Variants in ZPBP observed in about 807,000 individuals in gnomAD.
ZPBP encodes zona pellucida binding protein, also known as zona pellucida-binding protein 1.
ZPBP carries 26 observed loss-of-function variants against 44.8 expected under a neutral mutation model. The observed-to-expected ratio is 0.58, with a 90% CI of 0.43 to 0.81. ZPBP has a LOEUF of 0.81. Ranked by LOEUF, ZPBP falls within the 30% of genes least tolerant of loss-of-function variation. ZPBP has a pLI of 0.00. For synonymous variants in ZPBP, 174 were observed against 153.2 expected (o/e 1.14, Z -1.00); for missense variants, 409 against 434.0 (o/e 0.94, Z 0.51).
At chr7:50,092,394 CT>C (rs920541533) in intron 1 of ZPBP, among the ~76,000 whole-genome samples, 35 of 152,124 alleles carry the variant, frequency 2.3e-4, no homozygotes, top group Non-Finnish European at 3.8e-4. Flanking sequence ...TGGAGGACTT[CT>C]TTTTTTCATT....
chr7:49,935,305 A>G (rs1033041876), downstream of ZPBP, among the ~76,000 whole-genome samples: 1 of 152,206 alleles, frequency 6.6e-6, no homozygotes, highest in Non-Finnish European at 1.5e-5. Flanking sequence ...GATATAACGA[A>G]GAACATTTTA....
At chr7:49,867,053 G>A (rs534834753) in intron 2 of ZPBP, among the ~76,000 whole-genome samples, 10 of 152,136 alleles carry the variant, frequency 6.6e-5, no homozygotes, top group Admixed American at 2.0e-4. Context: ...TAACCATCTC[G>A]TTAGAGAGAC....
At chr7:49,880,026 C>G (rs1364293194) in intron 2 of ZPBP, among the ~76,000 whole-genome samples, 1 of 152,114 alleles carries the variant, frequency 6.6e-6, no homozygotes, top group East Asian at 1.9e-4. Context: ...CCAGAGGGAG[C>G]ATCATTTTCT....
At chr7:50,051,463 G>T (rs6953525) in intron 4 of ZPBP, among the ~76,000 whole-genome samples, 1 of 151,958 alleles carries the variant, frequency 6.6e-6, no homozygotes, top group Non-Finnish European at 1.5e-5. Context: ...AAATCATTCT[G>T]TTACGAGGAT....
At chr7:49,952,830 G>A (rs1241366967) in intron 7 of ZPBP, among the ~76,000 whole-genome samples, 1 of 151,824 alleles carries the variant, frequency 6.6e-6, no homozygotes, top group Non-Finnish European at 1.5e-5. Flanking sequence ...ATCTGCACGT[G>A]TACCCCTGAA....
chr7:49,952,293 T>A lies in ZPBP; in HGVS notation c.962-14671A>T, dbSNP rs143083377. Reference sequence around the variant, plus strand: ...GACCAATATAAATTGGTGTGACACATGTTTATTTGATAATCAAAAGGAGAG... The same window carrying A: ...GACCAATATAAATTGGTGTGACACAAGTTTATTTGATAATCAAAAGGAGAG... On this transcript the variant is annotated intron_variant, in intron 7 of 7. Coordinates refer to ENST00000046087, the MANE Select transcript of ZPBP (RefSeq NM_007009.3). Among the ~76,000 whole-genome samples, 507 of 152,076 alleles carry A rather than the reference T, an allele frequency of 3.3e-3. 1 individual carries two copies. The highest frequency in any genetic ancestry group is 0.011 in the African/African-American group (467 of 41,552).
intron 7 of ZPBP, chr7:49,943,164 G>A (rs2128754100): frequency 3.2e-6 from 1 of 311,286 alleles, no homozygotes; most frequent in South Asian, 3.2e-5. Flanking sequence ...AGTCCAGAAA[G>A]TTAGCTTCTC....
Position 49,904,502 on chromosome 7 carries a change from A to G in ZPBP, n.412-3287T>C, listed in dbSNP as rs945421982. On this transcript the variant is annotated intron_variant and non_coding_transcript_variant, in intron 1 of 2. Coordinates refer to the ZPBP transcript ENST00000465922. ...TGTTTAGAGGGACTTGGTTGAAACA[A>G]TCTCACAACTTGATTGATTTATTAG... 3.9e-5 allele frequency among the ~76,000 whole-genome samples: 6 copies of G among 152,218 alleles called. No homozygotes were observed. The South Asian group carries it at 1.0e-3, about 26-fold the overall frequency.
intron 3 of ZPBP, among the ~76,000 whole-genome samples, chr7:50,078,158 T>C (rs1306152897): frequency 6.6e-6 from 1 of 151,714 alleles, no homozygotes; most frequent in African/African-American, 2.4e-5. Context: ...AAACATTGCA[T>C]GTTCTCACTT....
chr7:49,853,557 G>T (rs747634255), intron 2 of ZPBP, among the ~76,000 whole-genome samples: 5 of 151,830 alleles, frequency 3.3e-5, no homozygotes, highest in Non-Finnish European at 5.9e-5. Flanking sequence ...TATCACGGTA[G>T]ACTATAAACC....
chr7:49,876,501 T>G (rs950946495), intron 2 of ZPBP, among the ~76,000 whole-genome samples: 1 of 152,132 alleles, frequency 6.6e-6, no homozygotes, highest in Non-Finnish European at 1.5e-5. Flanking sequence ...CATCTATAAT[T>G]ATAATTCTCA....
intron 6 of ZPBP, among the ~76,000 whole-genome samples, chr7:49,991,580 G>C (rs927291483): frequency 6.6e-6 from 1 of 151,980 alleles, no homozygotes; most frequent in African/African-American, 2.4e-5. Context: ...TTCTTCCTTT[G>C]TTTTTTCTCC....
At chr7:49,902,406 C>T (rs73336278) in intron 1 of ZPBP, among the ~76,000 whole-genome samples, 15 of 151,950 alleles carry the variant, frequency 9.9e-5, no homozygotes, top group Admixed American at 4.6e-4. Flanking sequence ...ATCAGTGGAA[C>T]AGCAGAACAC....
rs202222027 is a variant in ZPBP at position 50,089,714 on chromosome 7, CAA to C, written c.128-7_128-6del. 1.3e-6 allele frequency: 2 copies of C among 1,584,338 alleles called. No individual in the cohort carries two copies. The highest frequency in any genetic ancestry group is 3.4e-5 in the Admixed American group (2 of 58,592). On this transcript the variant is annotated splice_region_variant and splice_polypyrimidine_tract_variant and intron_variant, in intron 1 of 7. Coordinates refer to ENST00000046087, the MANE Select transcript of ZPBP (RefSeq NM_007009.3). ...GTAATCGAACCAAGTGTCCAACTAT[CAA>C]AAAAAAAGATCAACAATTTGTCTCA...
intron 1 of ZPBP, among the ~76,000 whole-genome samples, chr7:49,924,361 T>C (rs1307849289): frequency 6.6e-6 from 1 of 152,006 alleles, no homozygotes; most frequent in Admixed American, 6.6e-5. Context: ...ATGAAAAAAT[T>C]ACAAAATACA....
chr7:49,951,066 C>T (rs977536818), intron 7 of ZPBP, among the ~76,000 whole-genome samples: 2 of 151,756 alleles, frequency 1.3e-5, no homozygotes, highest in Admixed American at 6.6e-5. Flanking sequence ...TACAGTTGAA[C>T]TCCTACAACA....
chr7:49,971,272 A>C (rs1235155850), intron 7 of ZPBP, among the ~76,000 whole-genome samples: 6 of 152,152 alleles, frequency 3.9e-5, no homozygotes, highest in African/African-American at 1.4e-4. Context: ...GAATCACCAT[A>C]ATGAGGGAAA....
intron 1 of ZPBP, among the ~76,000 whole-genome samples, chr7:49,902,075 A>C (rs185174852): frequency 7.9e-5 from 12 of 152,150 alleles, no homozygotes. Context: ...TCATAGAACC[A>C]TAAAAGTCGT....
chr7:50,003,516 G>A (rs1007177731), intron 6 of ZPBP, among the ~76,000 whole-genome samples: 1 of 152,218 alleles, frequency 6.6e-6, no homozygotes, highest in African/African-American at 2.4e-5. Flanking sequence ...TGTGGAATGT[G>A]CTTACAGCAT....
Sources: gnomAD v4.1 joint callset for allele counts (sites outside exome capture counted in the v4.1 genomes callset) on GRCh38, gnomAD v4.1.1 for gene constraint, MANE v1.5 for transcripts, NCBI Gene and HGNC (gene_info 2026-07-23, HGNC 2026-07-21) for gene names.